The following ULK4 variants were observed in gnomAD, a reference collection of about 807,000 sequenced individuals.
ULK4 encodes the protein unc-51 like kinase 4.
In ULK4, 133 loss-of-function variants were observed where a neutral mutation model predicts 160.6. The observed-to-expected ratio is 0.83, with a 90% confidence interval of 0.72 to 0.96. ULK4 has a LOEUF of 0.96. ULK4 is among the 40% of genes least tolerant of loss of function. ULK4 has a pLI of 0.00. For missense variants in ULK4, 1,580 were observed against 1,499.5 expected, an observed-to-expected ratio of 1.05 and a Z score of -0.89; for synonymous variants, 534 against 539.8, an observed-to-expected ratio of 0.99 and a Z score of 0.15.
chr3:41,646,289 A>G (rs1308272056), intron 30 of ULK4, among the ~76,000 whole-genome samples: 1 of 152,120 alleles, frequency 6.6e-6, no homozygotes, highest in Non-Finnish European at 1.5e-5. Flanking sequence ...TCCTAGTCTC[A>G]ATGATCTTTA....
intron 35 of ULK4, among the ~76,000 whole-genome samples, chr3:41,331,466 A>C (rs1358846544): frequency 6.6e-6 from 1 of 152,222 alleles, no homozygotes; most frequent in Non-Finnish European, 1.5e-5. Flanking sequence ...TCCTTGGTAA[A>C]AAGTGAAAAC....
chr3:41,663,435 A>G (rs573942501), intron 30 of ULK4, among the ~76,000 whole-genome samples, 172 bp downstream of exon 30: 1 of 152,354 alleles, frequency 6.6e-6, no homozygotes, highest in African/African-American at 2.4e-5. Flanking sequence ...TGAGAACGAG[A>G]GTCAAAACAG....
chr3:41,870,275 T>C (rs1174254414), intron 17 of ULK4, among the ~76,000 whole-genome samples: 1 of 152,218 alleles, frequency 6.6e-6, no homozygotes, highest in African/African-American at 2.4e-5. Context: ...TCAACAATTA[T>C]CCCTTCAAAT....
At chr3:41,737,938 T>C (rs2038111938) in intron 22 of ULK4, among the ~76,000 whole-genome samples, 8 of 151,976 alleles carry the variant, frequency 5.3e-5, no homozygotes, top group Admixed American at 5.2e-4. Context: ...ATCCATACTT[T>C]GGCTATCTGA....
At chr3:41,645,408 G>T (rs1194923644) in intron 30 of ULK4, among the ~76,000 whole-genome samples, 1 of 151,968 alleles carries the variant, frequency 6.6e-6, no homozygotes, top group African/African-American at 2.4e-5. Flanking sequence ...GTTCTCGTTG[G>T]TTTCAAAGAA....
chr3:41,646,380 C>T (rs1029874166), intron 30 of ULK4, among the ~76,000 whole-genome samples: 2 of 152,170 alleles, frequency 1.3e-5, no homozygotes, highest in African/African-American at 4.8e-5. Flanking sequence ...TCTTTTAGGG[C>T]AGGCCTGGTG....
At chr3:41,681,905 A>G in intron 27 of ULK4, 101 bp from the exon 28 acceptor site, 1 of 1,257,718 alleles carries the variant, frequency 8.0e-7, no homozygotes. Flanking sequence ...TAATCAAAGG[A>G]GTGAAAAAAA....
intron 17 of ULK4, among the ~76,000 whole-genome samples, chr3:41,852,912 A>C (rs187336529): frequency 3.9e-5 from 6 of 152,308 alleles, no homozygotes; most frequent in Admixed American, 2.0e-4. Flanking sequence ...ATACTAAAAG[A>C]AGCAGTGGTG....
chr3:41,680,198 C>A (rs901853693), intron 29 of ULK4, among the ~76,000 whole-genome samples: 5 of 152,122 alleles, frequency 3.3e-5, no homozygotes, highest in African/African-American at 7.2e-5. Flanking sequence ...CACAGACATA[C>A]ACTCATATAT....
chr3:41,328,963 C>T (rs9814012), intron 35 of ULK4, among the ~76,000 whole-genome samples: 31,285 of 149,964 alleles, frequency 0.21, 3,363 homozygotes, highest in Middle Eastern at 0.3. Context: ...TATAGTTCTA[C>T]GAATTTTAAC....
intron 35 of ULK4, among the ~76,000 whole-genome samples, chr3:41,363,983 T>G (rs2081201727): frequency 6.6e-6 from 1 of 151,944 alleles, no homozygotes; most frequent in Admixed American, 6.6e-5. Context: ...CAGGCTGGAG[T>G]GCAGTGGTGT....
chr3:41,490,503 T>G (rs908509080), intron 32 of ULK4, among the ~76,000 whole-genome samples: 1 of 152,176 alleles, frequency 6.6e-6, no homozygotes, highest in Non-Finnish European at 1.5e-5. Flanking sequence ...AAGGTACACA[T>G]TCCTCCACTC....
chr3:41,284,776 C>T (rs536224918), intron 35 of ULK4, among the ~76,000 whole-genome samples: 1 of 152,144 alleles, frequency 6.6e-6, no homozygotes, highest in South Asian at 2.1e-4. Flanking sequence ...AGCTTTTGAA[C>T]AGCAAAAGGA....
At chr3:41,469,620 A>AAAAAAAAAAAAAAC (rs2083923763) in intron 32 of ULK4, among the ~76,000 whole-genome samples, 1 of 148,668 alleles carries the variant, frequency 6.7e-6, no homozygotes, top group African/African-American at 2.5e-5. Context: ...AAAAAAAAAA[A>AAAAAAAAAAAAAAC]AAAAAAACAC....
At chr3:41,380,231 G>T (rs1207292683) in intron 35 of ULK4, among the ~76,000 whole-genome samples, 4 of 152,132 alleles carry the variant, frequency 2.6e-5, no homozygotes, top group African/African-American at 9.7e-5. Context: ...AAAAGGGAAT[G>T]CTAATTTGAA....
chr3:41,436,729 A>G (rs2083045912), intron 34 of ULK4, among the ~76,000 whole-genome samples: 1 of 152,154 alleles, frequency 6.6e-6, no homozygotes, highest in Admixed American at 6.5e-5. Flanking sequence ...CTTTCATAGT[A>G]ATTAGGAAGC....
At chr3:41,828,875 A>C (rs1164987540) in intron 18 of ULK4, among the ~76,000 whole-genome samples, 5 of 152,090 alleles carry the variant, frequency 3.3e-5, no homozygotes, top group East Asian at 1.9e-4. Flanking sequence ...TGGAGGCATC[A>C]CGCTACCTGA....
chr3:41,855,310 A>G (rs2042310251), intron 17 of ULK4, among the ~76,000 whole-genome samples: 1 of 152,206 alleles, frequency 6.6e-6, no homozygotes, highest in Non-Finnish European at 1.5e-5. Context: ...ATGGAGGGAG[A>G]AACCATTCCA....
chr3:41,484,549 T>C (rs914759922), intron 32 of ULK4, among the ~76,000 whole-genome samples: 3 of 150,886 alleles, frequency 2.0e-5, no homozygotes, highest in African/African-American at 4.9e-5. Flanking sequence ...GCCTCCCGGG[T>C]TCACGCCATT....
Sources: gnomAD v4.1 joint callset for allele counts (sites outside exome capture counted in the v4.1 genomes callset) on GRCh38, gnomAD v4.1.1 for gene constraint, MANE v1.5 for transcripts, NCBI Gene and HGNC (gene_info 2026-07-23, HGNC 2026-07-21) for gene names.